HRH1: variants seen among roughly 807,000 people sequenced by gnomAD.
HRH1 encodes the protein histamine receptor H1.
HRH1 carries 6 observed loss-of-function variants against 10.3 expected under a neutral mutation model. That is an observed-to-expected ratio of 0.58 (90% confidence interval 0.32 to 1.15). HRH1 has a LOEUF of 1.15. Among genes scored for constraint, HRH1 ranks in the 50% most tolerant of loss-of-function variants. The pLI, the probability that HRH1 is intolerant of heterozygous loss-of-function variation, is 0.05. For missense variants in HRH1, 514 were observed against 615.3 expected (o/e 0.84, Z 1.74); for synonymous variants, 242 against 236.7 (o/e 1.02, Z -0.21).
At chr3:11,244,192 A>G (rs76127220) in intron 1 of HRH1, among the ~76,000 whole-genome samples, 4,633 of 152,356 alleles carry the variant, frequency 0.03, 86 homozygotes, top group East Asian at 0.09. Context: ...ACTACTCATC[A>G]TATCCACAAT....
intron 1 of HRH1, among the ~76,000 whole-genome samples, chr3:11,156,956 GTC>G (rs1936817753): frequency 2.6e-5 from 4 of 152,230 alleles, no homozygotes; most frequent in Non-Finnish European, 5.9e-5. Context: ...GAGACTTGAA[GTC>G]TCAGTGTGGA....
intron 1 of HRH1, among the ~76,000 whole-genome samples, chr3:11,179,421 G>C (rs181053279): frequency 0.083 from 12,504 of 150,904 alleles, 926 homozygotes; most frequent in African/African-American, 0.2. Flanking sequence ...GAGATCTAGA[G>C]CATCCCGGCT....
intron 1 of HRH1, among the ~76,000 whole-genome samples, chr3:11,185,677 A>G (rs995948022): frequency 6.6e-6 from 1 of 152,130 alleles, no homozygotes; most frequent in African/African-American, 2.4e-5. Context: ...TCATTTGCCT[A>G]TCTGGAAAAT....
intron 1 of HRH1, among the ~76,000 whole-genome samples, chr3:11,140,351 G>C (rs535881354): frequency 6.6e-6 from 1 of 151,986 alleles, no homozygotes; most frequent in Non-Finnish European, 1.5e-5. Context: ...CTCCTTAGGC[G>C]TGGCAGTTGA....
At chr3:11,155,505 CTTCCCTCCTGA>C (rs1311018584) in intron 1 of HRH1, among the ~76,000 whole-genome samples, 1 of 152,194 alleles carries the variant, frequency 6.6e-6, no homozygotes, top group Non-Finnish European at 1.5e-5. Flanking sequence ...GATCCCACCT[CTTCCCTCCTGA>C]TTCCCTGATC....
At chr3:11,241,561 C>T (rs1277022046) in intron 1 of HRH1, among the ~76,000 whole-genome samples, 7 of 151,976 alleles carry the variant, frequency 4.6e-5, no homozygotes, top group African/African-American at 9.7e-5. Flanking sequence ...AGGCTGGGCA[C>T]GGTGGCTCAC....
At chr3:11,206,174 G>A (rs1938117669) in intron 1 of HRH1, among the ~76,000 whole-genome samples, 1 of 152,132 alleles carries the variant, frequency 6.6e-6, no homozygotes, top group South Asian at 2.1e-4. Flanking sequence ...GAGTGCAATG[G>A]TGCAATCTCG....
intron 1 of HRH1, among the ~76,000 whole-genome samples, chr3:11,157,228 A>C (rs1314074493): frequency 6.6e-6 from 1 of 152,226 alleles, no homozygotes; most frequent in East Asian, 1.9e-4. Flanking sequence ...CAAAATGGCC[A>C]TTCGTTCGAT....
In HRH1 at chr3:11,197,974, G is replaced by A. The variant is rs1011372761; in HGVS notation, c.-36+43420G>A. On this transcript the variant is annotated intron_variant, in intron 1 of 1. Transcript: ENST00000431010. ...CCTGCCTGGGAAATGCGGAGGCTGC[G>A]CTCGACTCTGCTTGTTGTTCGGCAT... is the stretch of plus-strand genomic sequence containing the variant. 2.7e-4 allele frequency among the ~76,000 whole-genome samples: 41 copies of A among 152,178 alleles called. 1 individual carries two copies. The highest frequency in any genetic ancestry group is 2.4e-3 in the Admixed American group (36 of 15,290).
intron 1 of HRH1, among the ~76,000 whole-genome samples, chr3:11,196,891 C>T (rs1937673296): frequency 2.7e-5 from 4 of 146,698 alleles, no homozygotes; most frequent in East Asian, 2.0e-4. Context: ...GGTCAGATCA[C>T]GAGGTCGGGA....
At chr3:11,183,312 G>T (rs1937392150) in intron 1 of HRH1, among the ~76,000 whole-genome samples, 1 of 152,150 alleles carries the variant, frequency 6.6e-6, no homozygotes, top group African/African-American at 2.4e-5. Flanking sequence ...GTGTCCTTTG[G>T]CAGGAAACCT....
intron 1 of HRH1, among the ~76,000 whole-genome samples, chr3:11,189,351 TTGTC>T (rs1937504845): frequency 6.6e-6 from 1 of 152,182 alleles, no homozygotes; most frequent in African/African-American, 2.4e-5. Context: ...CTCAGTTTCT[TTGTC>T]TGTAAAATTG....
At chr3:11,207,904 C>T (rs1049847446) in intron 1 of HRH1, among the ~76,000 whole-genome samples, 4 of 152,216 alleles carry the variant, frequency 2.6e-5, no homozygotes, top group East Asian at 1.9e-4. Context: ...TCAGGAAGGG[C>T]GGGCGTCATT....
intron 1 of HRH1, among the ~76,000 whole-genome samples, chr3:11,219,035 A>G (rs887569546): frequency 7.2e-5 from 11 of 151,990 alleles, no homozygotes; most frequent in African/African-American, 2.7e-4. Context: ...GATTACAGGC[A>G]TAAGCTACCA....
intron 1 of HRH1, among the ~76,000 whole-genome samples, chr3:11,248,565 G>A (rs760193553): frequency 1.1e-4 from 17 of 152,182 alleles, no homozygotes; most frequent in Admixed American, 3.9e-4. Flanking sequence ...AGTACCCAGC[G>A]ATAGTCCCCC....
chr3:11,253,992 A>G (rs760183519), intron 1 of HRH1, among the ~76,000 whole-genome samples: 3 of 152,206 alleles, frequency 2.0e-5, no homozygotes, highest in South Asian at 2.1e-4. Flanking sequence ...TCCAAACAAA[A>G]CAGCAGTTTT....
At chr3:11,190,362 TATA>T (rs200022987) in intron 1 of HRH1, among the ~76,000 whole-genome samples, 2,702 of 147,798 alleles carry the variant, frequency 0.018, 80 homozygotes, top group African/African-American at 0.065. Flanking sequence ...TATATATATA[TATA>T]TTTTTTAATT....
Position 11,259,862 on chromosome 3 carries a change from AC to A in HRH1, c.827del (p.Pro276HisfsTer8). 1 of 1,614,088 alleles carries A rather than the reference AC, an allele frequency of 6.2e-7. No homozygotes were observed. Among genetic ancestry groups the A allele is most frequent in the Non-Finnish European group, 8.5e-7 (1 of 1,180,012 alleles). On this transcript the variant is annotated frameshift_variant, in exon 2 of 2. Transcript: ENST00000431010. LOFTEE classifies it low-confidence loss of function (END_TRUNC). This position sits in a 1 kb window ranked among gnomAD's most constrained non-coding sequence, Gnocchi z 4.6. The stretch of plus-strand genomic sequence containing the variant: ...CTGGTGGTGGATCTGTCTTGAAGTC[AC>A]CATCCCAAACCCCCAAGGAGATGAA... Reference protein sequence around the residue: ...DAGGGSVLKSPSQTPKEMKSP... With the variant: ...DAGGGSVLKSXSQTPKEMKSP...
chr3:11,250,943 A>G (rs996499758), intron 1 of HRH1, among the ~76,000 whole-genome samples: 4 of 152,236 alleles, frequency 2.6e-5, no homozygotes, highest in African/African-American at 9.6e-5. Context: ...ACTGCATCAC[A>G]CATAGCTTGG....
Sources: gnomAD v4.1 joint callset for allele counts (sites outside exome capture counted in the v4.1 genomes callset) on GRCh38, gnomAD v4.1.1 for gene constraint, Gnocchi (gnomAD v3.1) non-coding constraint, MANE v1.5 for transcripts, NCBI Gene and HGNC (gene_info 2026-07-23, HGNC 2026-07-21) for gene names.